TRHDE: variants seen among roughly 807,000 people sequenced by gnomAD.
TRHDE encodes thyrotropin releasing hormone degrading enzyme.
In TRHDE, 72 loss-of-function variants were observed where a neutral mutation model predicts 125.7. That is an observed-to-expected ratio of 0.57 (90% CI 0.47 to 0.70). The LOEUF is 0.70. TRHDE is among the 30% of genes least tolerant of loss of function. TRHDE has a pLI of 0.00. For synonymous variants in TRHDE, 509 were observed against 509.1 expected (o/e 1.00, Z 0.00); for missense variants, 1,110 against 1,327.1 (o/e 0.84, Z 2.54).
intron 15 of TRHDE, among the ~76,000 whole-genome samples, chr12:72,651,651 A>T (rs1053706337): frequency 3.3e-5 from 5 of 151,986 alleles, no homozygotes; most frequent in Admixed American, 1.3e-4. Context: ...CAAAGTAGGG[A>T]TGAAAATTTT....
At chr12:72,107,640 A>G (rs1875218853) in intron 2 of TRHDE, among the ~76,000 whole-genome samples, 1 of 152,078 alleles carries the variant, frequency 6.6e-6, no homozygotes, top group African/African-American at 2.4e-5. Context: ...GCTAAATCCT[A>G]AAGGTGCCCA....
At chr12:72,242,983 A>T (rs773024716) in intron 2 of TRHDE, among the ~76,000 whole-genome samples, 6 of 152,192 alleles carry the variant, frequency 3.9e-5, no homozygotes, top group Non-Finnish European at 7.3e-5. Flanking sequence ...GCAAAGTTTT[A>T]TCACTACTAG....
At chr12:72,365,620 A>G (rs1236234611) in intron 2 of TRHDE, among the ~76,000 whole-genome samples, 1 of 152,150 alleles carries the variant, frequency 6.6e-6, no homozygotes, top group Admixed American at 6.6e-5. Flanking sequence ...GCAGTTTCAC[A>G]GCTGTGAAGA....
chr12:72,122,733 A>G (rs1389283035), intron 2 of TRHDE, among the ~76,000 whole-genome samples: 1 of 152,152 alleles, frequency 6.6e-6, no homozygotes, highest in East Asian at 1.9e-4. Context: ...AGATCATGGT[A>G]TTAATGATCT....
chr12:72,627,716 C>A lies in TRHDE; in HGVS notation c.2675+5965C>A, dbSNP rs139076755. ...TTCTTTTTTTAAAAAAACGAGATCT[C>A]GTTCTATTATCCAAGTGCAGTGGCA... On this transcript the variant is annotated intron_variant, in intron 15 of 18. Coordinates refer to ENST00000261180, the MANE Select transcript of TRHDE (RefSeq NM_013381.3). 2.0e-5 allele frequency among the ~76,000 whole-genome samples: 3 copies of A among 151,810 alleles called. No individual in the cohort carries two copies. In the South Asian group the frequency reaches 6.2e-4, roughly 32 times the overall value.
In TRHDE at chr12:72,337,959, C is replaced by T. The variant is rs541128628; in HGVS notation, c.1189-40036C>T. The stretch of plus-strand genomic sequence containing the variant: ...AAGTTCAGATCTGTGAAAAATCTAT[C>T]GGCAAAATCAAGGAAATCTTCAAGC... On this transcript the variant is annotated intron_variant, in intron 2 of 18. Transcript: ENST00000261180. Among the ~76,000 whole-genome samples, 5 of 151,428 alleles carry T rather than the reference C, an allele frequency of 3.3e-5. No individual in the cohort carries two copies. In the East Asian group the frequency reaches 7.8e-4, roughly 24 times the overall value.
At chr12:72,626,402 G>A (rs1024845145) in intron 15 of TRHDE, among the ~76,000 whole-genome samples, 1 of 151,832 alleles carries the variant, frequency 6.6e-6, no homozygotes, top group East Asian at 1.9e-4. Context: ...TTTGGGTAGT[G>A]GGTCGTGTGA....
At chr12:72,526,493 T>C (rs1425973410) in intron 6 of TRHDE, among the ~76,000 whole-genome samples, 1 of 152,176 alleles carries the variant, frequency 6.6e-6, no homozygotes, top group African/African-American at 2.4e-5. Flanking sequence ...ACTTTCTAAA[T>C]GTTTTGTTGA....
At chr12:72,583,315 C>A (rs774016007) in intron 12 of TRHDE, among the ~76,000 whole-genome samples, 1 of 152,136 alleles carries the variant, frequency 6.6e-6, no homozygotes, top group Admixed American at 6.5e-5. Context: ...CCTTTCTAAC[C>A]GGTATAAGTT....
At chr12:72,613,437 G>A (rs1872701986) in intron 12 of TRHDE, among the ~76,000 whole-genome samples, 2 of 152,054 alleles carry the variant, frequency 1.3e-5, no homozygotes, top group South Asian at 2.1e-4. Context: ...TAAAAAAATG[G>A]TTATGTTTAA....
rs560902445 is a variant in TRHDE at position 72,100,771 on chromosome 12, G to A, written n.175-4877G>A. Among the ~76,000 whole-genome samples the A allele has an allele frequency of 2.6e-5, 4 of 152,278 alleles. No individual in the cohort carries two copies. In the South Asian group the frequency reaches 8.3e-4, roughly 32 times the overall value. ...CAGGACCCAGTCATTCTACCAAAGT[G>A]AAAGGCTTGTTTCCATTTATTAAAT... is the stretch of plus-strand genomic sequence containing the variant. On this transcript the variant is annotated intron_variant and non_coding_transcript_variant, in intron 1 of 4. Coordinates refer to the TRHDE transcript ENST00000548156.
chr12:72,170,688 A>T (rs1228171642), intron 2 of TRHDE, among the ~76,000 whole-genome samples: 4 of 152,158 alleles, frequency 2.6e-5, no homozygotes, highest in African/African-American at 9.7e-5. Flanking sequence ...TGCTCTTGTA[A>T]CAAGTTTTTA....
chr12:72,272,042 C>T (rs1381497396), upstream of TRHDE: 1 of 457,362 alleles, frequency 2.2e-6, no homozygotes, highest in Non-Finnish European at 4.4e-6. This position sits in a 1 kb window ranked among gnomAD's most constrained non-coding sequence, Gnocchi z 6.7. Context: ...ACTCTAGTCT[C>T]TCCCACCTCG....
intron 2 of TRHDE, among the ~76,000 whole-genome samples, chr12:72,376,350 C>T (rs1257846094): frequency 6.6e-6 from 1 of 152,146 alleles, no homozygotes; most frequent in East Asian, 1.9e-4. Context: ...TAAAGGTCCG[C>T]TTCCTATGAA....
rs1187000060 is a variant in TRHDE at position 72,517,436 on chromosome 12, G to T, written c.1722+17801G>T. On this transcript the variant is annotated intron_variant, in intron 6 of 18. Transcript: ENST00000261180. The stretch of plus-strand genomic sequence containing the variant: ...GATTTTCTAGTTTATTTGCATAGAG[G>T]TGTTTGTAGTATTCTCTGATGGTAG... Among the ~76,000 whole-genome samples, 601 of 152,184 alleles carry T rather than the reference G, an allele frequency of 3.9e-3. 4 individuals are homozygous for T. Among genetic ancestry groups the T allele is most frequent in the Middle Eastern group, 0.014 (4 of 294 alleles).
At chr12:72,402,895 C>A (rs1873104002) in intron 3 of TRHDE, among the ~76,000 whole-genome samples, 1 of 152,118 alleles carries the variant, frequency 6.6e-6, no homozygotes, top group African/African-American at 2.4e-5. Flanking sequence ...CACTCTGTCT[C>A]AGAGTTGAGG....
chr12:72,429,812 T>A (rs964354536), intron 3 of TRHDE, among the ~76,000 whole-genome samples: 4 of 152,154 alleles, frequency 2.6e-5, no homozygotes, highest in African/African-American at 9.6e-5. Flanking sequence ...GCCATTCATA[T>A]ATCTTTGGAG....
At chr12:72,109,642 A>AACAAAACAAG (rs1875271896) in intron 2 of TRHDE, among the ~76,000 whole-genome samples, 2 of 152,034 alleles carry the variant, frequency 1.3e-5, no homozygotes. Context: ...AACAAAACAA[A>AACAAAACAAG]ACAAAAGGTG....
At chr12:72,312,255 C>T (rs569107300) in intron 2 of TRHDE, among the ~76,000 whole-genome samples, 23 of 152,258 alleles carry the variant, frequency 1.5e-4, no homozygotes, top group African/African-American at 4.1e-4. Flanking sequence ...TTTTCAGTGT[C>T]GTCCCTTATG....
Sources: allele counts gnomAD v4.1 joint callset (sites outside exome capture counted in the v4.1 genomes callset), GRCh38; gene constraint gnomAD v4.1.1; non-coding constraint Gnocchi (gnomAD v3.1); transcripts MANE v1.5; gene names NCBI Gene and HGNC (gene_info 2026-07-23, HGNC 2026-07-21).